The following PPHLN1 variants were observed in gnomAD, a reference collection of about 807,000 sequenced individuals.
PPHLN1 encodes periphilin-1.
PPHLN1 carries 29 observed loss-of-function variants against 51.3 expected under a neutral mutation model. The observed-to-expected ratio is 0.57, with a 90% CI of 0.42 to 0.77. The LOEUF is 0.77. Among genes scored for constraint, PPHLN1 ranks in the 30% least tolerant of loss-of-function variants. PPHLN1 has a pLI of 0.00. For missense variants in PPHLN1, 436 were observed against 438.4 expected, an observed-to-expected ratio of 0.99 and a Z score of 0.05; for synonymous variants, 147 against 147.8, an observed-to-expected ratio of 0.99 and a Z score of 0.04.
At chr12:42,330,682 A>G (rs73118491) in intron 1 of PPHLN1, among the ~76,000 whole-genome samples, 24,750 of 152,144 alleles carry the variant, frequency 0.16, 2,069 homozygotes, top group Admixed American at 0.2. Context: ...AGGCAAAACA[A>G]TTGTTCAGGG....
chr12:42,444,972 T>A (rs1212000173), downstream of PPHLN1: 1 of 687,124 alleles, frequency 1.5e-6, no homozygotes, highest in Non-Finnish European at 2.6e-6. Flanking sequence ...AGCCCTAATA[T>A]TGGCCCTAGA....
rs752852265 is a variant in PPHLN1 at position 42,374,950 on chromosome 12, T to C, written c.387T>C (p.Phe129=). The change falls in exon 5 of 10, where the codon TTT becomes TTC. Residue 129 remains phenylalanine, a synonymous_variant. Coordinates refer to ENST00000358314, the MANE Select transcript of PPHLN1 (RefSeq NM_201439.2). ...ERSPYKRDNT[F]FRESPVGRKD... is the part of the protein sequence containing the mutation. ...CTCCTTATAAAAGGGACAATACTTT[T>C]TTCAGAGAATCACCTGTTGGCCGAA... The C allele has an allele frequency of 6.2e-7, 1 of 1,614,082 alleles. No homozygotes were observed. The highest frequency in any genetic ancestry group is 8.5e-7 in the Non-Finnish European group (1 of 1,179,952).
intron 9 of PPHLN1, among the ~76,000 whole-genome samples, chr12:42,405,542 C>T (rs147457246): frequency 6.7e-4 from 102 of 152,232 alleles, no homozygotes; most frequent in African/African-American, 2.3e-3. Context: ...TGTTATCTTT[C>T]GTTGTTTTTC....
At chr12:42,438,059 G>T (rs1192018338) in intron 9 of PPHLN1, among the ~76,000 whole-genome samples, 1 of 152,072 alleles carries the variant, frequency 6.6e-6, no homozygotes, top group Non-Finnish European at 1.5e-5. Context: ...ACTGCAGTTT[G>T]TCCATTTATC....
chr12:42,430,101 T>C (rs946364932), intron 9 of PPHLN1, among the ~76,000 whole-genome samples: 2 of 152,168 alleles, frequency 1.3e-5, no homozygotes, highest in African/African-American at 2.4e-5. Flanking sequence ...CAACCATGTG[T>C]TTAGAGAGTT....
In PPHLN1 at chr12:42,421,665, C is replaced by A. The variant is rs559600806; in HGVS notation, c.910-19650C>A. Among the ~76,000 whole-genome samples the A allele has an allele frequency of 8.7e-4, 132 of 152,172 alleles. 1 individual carries two copies. The highest frequency in any genetic ancestry group is 1.4e-3 in the Non-Finnish European group (98 of 68,012). On this transcript the variant is annotated intron_variant, in intron 9 of 9. Coordinates refer to ENST00000358314, the MANE Select transcript of PPHLN1 (RefSeq NM_201439.2). The stretch of plus-strand genomic sequence containing the variant: ...GCTGAGCTGTGACAAATATCTTAAA[C>A]AAAATTTTGAAGAAATTAGAGAAGC...
chr12:42,362,080 C>T (rs2074755292), intron 4 of PPHLN1, among the ~76,000 whole-genome samples: 1 of 152,132 alleles, frequency 6.6e-6, no homozygotes, highest in Non-Finnish European at 1.5e-5. Context: ...GTGTAACCAT[C>T]CTCAAGAGTG....
intron 5 of PPHLN1, among the ~76,000 whole-genome samples, chr12:42,384,057 A>C (rs1025862241): frequency 2.0e-5 from 3 of 151,730 alleles, no homozygotes; most frequent in Admixed American, 2.0e-4. Flanking sequence ...CATAAAAACA[A>C]ATCAGCTTAT....
At chr12:42,398,549 C>T (rs1006128956) in intron 8 of PPHLN1, 2 of 218,558 alleles carry the variant, frequency 9.2e-6, no homozygotes, top group African/African-American at 2.3e-5. Flanking sequence ...AACAGCCTCA[C>T]TTGCTTCGGC....
intron 9 of PPHLN1, among the ~76,000 whole-genome samples, chr12:42,420,605 A>G (rs923679300): frequency 1.3e-5 from 2 of 150,584 alleles, no homozygotes; most frequent in African/African-American, 4.9e-5. Context: ...TGAGTAGCTG[A>G]GATTACAAGT....
At chr12:42,392,894 A>G (rs1224980211) in intron 7 of PPHLN1, among the ~76,000 whole-genome samples, 1 of 152,166 alleles carries the variant, frequency 6.6e-6, no homozygotes, top group Non-Finnish European at 1.5e-5. Context: ...CAAAGTGAGC[A>G]TTATTAACCC....
intron 6 of PPHLN1, among the ~76,000 whole-genome samples, chr12:42,385,514 C>T (rs1272443905): frequency 1.3e-5 from 2 of 152,140 alleles, no homozygotes; most frequent in African/African-American, 4.8e-5. Context: ...GACTATACTT[C>T]GGGATGATAT....
Position 42,441,380 on chromosome 12 carries a change from A to G in PPHLN1, c.975A>G (p.Ser325=), listed in dbSNP as rs143151229. The change falls in exon 10 of 10, where the codon TCA becomes TCG. Residue 325 remains serine, a synonymous_variant. Coordinates refer to ENST00000358314, the MANE Select transcript of PPHLN1 (RefSeq NM_201439.2). ...VVKMLIEKDP[S]LEKSIQFALR... Reference sequence around the variant, plus strand: ...AAATGCTGATTGAAAAAGATCCTTCATTAGAAAAGTCTATACAGTTTGCAT... The same window carrying G: ...AAATGCTGATTGAAAAAGATCCTTCGTTAGAAAAGTCTATACAGTTTGCAT... 16 of 1,614,018 alleles carry G rather than the reference A, an allele frequency of 9.9e-6. No homozygotes were observed. The highest frequency in any genetic ancestry group is 1.2e-5 in the Non-Finnish European group (14 of 1,179,960).
chr12:42,353,076 G>T (rs895751019), intron 3 of PPHLN1, among the ~76,000 whole-genome samples: 1 of 147,500 alleles, frequency 6.8e-6, no homozygotes, highest in African/African-American at 2.5e-5. Context: ...GCGATAGAGC[G>T]AGACTTTGTC....
intron 4 of PPHLN1, among the ~76,000 whole-genome samples, chr12:42,366,994 G>T (rs1006665997): frequency 6.6e-6 from 1 of 152,114 alleles, no homozygotes; most frequent in Admixed American, 6.5e-5. Context: ...ATACATTCAT[G>T]TCTGTAAATA....
At chr12:42,356,169 A>C (rs2074028731) in intron 4 of PPHLN1, among the ~76,000 whole-genome samples, 1 of 152,238 alleles carries the variant, frequency 6.6e-6, no homozygotes, top group Non-Finnish European at 1.5e-5. Flanking sequence ...AAATAACCCC[A>C]GTCTCATAGA....
chr12:42,376,835 T>C (rs1306177283), intron 5 of PPHLN1, among the ~76,000 whole-genome samples: 1 of 152,118 alleles, frequency 6.6e-6, no homozygotes, highest in East Asian at 1.9e-4. Context: ...CTTCCATATA[T>C]ATATCTGATT....
chr12:42,358,027 T>C (rs1055238932), intron 4 of PPHLN1, among the ~76,000 whole-genome samples: 8 of 152,164 alleles, frequency 5.3e-5, no homozygotes, highest in Non-Finnish European at 1.0e-4. Flanking sequence ...TGGCCTGCAG[T>C]TCCATGCATG....
rs539356040 is a variant in PPHLN1, at chr12:42,382,978, AAAAC to A, written c.512-1953_512-1950del. On this transcript the variant is annotated intron_variant, in intron 5 of 9. Transcript: ENST00000358314. Reference sequence around the variant, plus strand: ...TACAAAAAACAAAAACAAAACAAAAAAAACAAACAAACCCCAAAACTTAGAGAAT... The same window carrying A: ...TACAAAAAACAAAAACAAAACAAAAAAAACAAACCCCAAAACTTAGAGAAT... Among the ~76,000 whole-genome samples, 274 of 152,336 alleles carry A rather than the reference AAAAC, an allele frequency of 1.8e-3. 3 individuals are homozygous for A. The highest frequency in any genetic ancestry group is 0.013 in the South Asian group (64 of 4,826).
Sources: gnomAD v4.1 joint callset for allele counts (sites outside exome capture counted in the v4.1 genomes callset) on GRCh38, gnomAD v4.1.1 for gene constraint, MANE v1.5 for transcripts, NCBI Gene and HGNC (gene_info 2026-07-23, HGNC 2026-07-21) for gene names.